Variants in MAL observed in about 807,000 individuals in gnomAD.
MAL encodes mal, T cell differentiation protein (MAL blood group).
MAL carries 5 observed loss-of-function variants against 16.7 expected under a neutral mutation model. That is an observed-to-expected ratio of 0.30 (90% confidence interval 0.16 to 0.63). The LOEUF is 0.63. Among genes scored for constraint, MAL ranks in the 30% least tolerant of loss-of-function variants. MAL has a pLI of 0.82. For missense variants in MAL, 202 were observed against 195.8 expected, an observed-to-expected ratio of 1.03 and a Z score of -0.19; for synonymous variants, 96 against 85.5, an observed-to-expected ratio of 1.12 and a Z score of -0.67.
At chr2:95,026,097 A>G (rs1402961951) in intron 1 of MAL, among the ~76,000 whole-genome samples, 1 of 152,100 alleles carries the variant, frequency 6.6e-6, no homozygotes, top group South Asian at 2.1e-4. Context: ...GGAACAGTCT[A>G]CAGGACTATG....
intron 1 of MAL, among the ~76,000 whole-genome samples, chr2:95,027,418 C>T (rs1463524645): frequency 6.6e-6 from 1 of 152,208 alleles, no homozygotes; most frequent in African/African-American, 2.4e-5. Context: ...CAGAACGCTT[C>T]TCTCAGCTGA....
At chr2:95,043,903 G>C (rs1674526474) in intron 1 of MAL, among the ~76,000 whole-genome samples, 2 of 152,182 alleles carry the variant, frequency 1.3e-5, no homozygotes, top group African/African-American at 4.8e-5. Flanking sequence ...TCTGTGCTGA[G>C]ACATCTGTGA....
intron 1 of MAL, among the ~76,000 whole-genome samples, chr2:95,040,419 A>G (rs1189192467): frequency 1.3e-5 from 2 of 152,206 alleles, no homozygotes; most frequent in Non-Finnish European, 2.9e-5. Context: ...ACACATACAC[A>G]TACATACGCA....
intron 1 of MAL, among the ~76,000 whole-genome samples, chr2:95,041,233 G>A (rs1050769482): frequency 8.5e-5 from 13 of 152,328 alleles, no homozygotes; most frequent in Admixed American, 2.0e-4. Flanking sequence ...CAGAGAATGC[G>A]TCTTCCCGTC....
chr2:95,032,263 C>A (rs1327390442), intron 1 of MAL, among the ~76,000 whole-genome samples: 1 of 152,256 alleles, frequency 6.6e-6, no homozygotes, highest in Non-Finnish European at 1.5e-5. Context: ...ATTGTGCTGC[C>A]AGCACAGACT....
intron 1 of MAL, among the ~76,000 whole-genome samples, chr2:95,045,449 C>T (rs997333268): frequency 6.6e-6 from 1 of 152,190 alleles, no homozygotes; most frequent in African/African-American, 2.4e-5. Context: ...GGGTCTTCTC[C>T]TGGTCCCCAC....
Position 95,039,208 on chromosome 2 carries a change from CTGAG to C in MAL, c.94-8731_94-8728del, listed in dbSNP as rs200015609. On this transcript the variant is annotated intron_variant, in intron 1 of 3. Coordinates refer to ENST00000309988, the MANE Select transcript of MAL (RefSeq NM_002371.4). ...AGTGAGTGAGTGACTGAGTGAGTGA[CTGAG>C]TGAGTGAGTGAGTGAGTGACTGAGT... 2.4e-3 allele frequency among the ~76,000 whole-genome samples: 201 copies of C among 82,752 alleles called. 1 individual carries two copies. Among genetic ancestry groups the C allele is most frequent in the Admixed American group, 8.5e-3 (70 of 8,248 alleles). The allele number at this position is 82,752 out of a possible 152,430, so 54.3% of individuals were successfully genotyped here. A position where few individuals can be genotyped will look rare whatever the true frequency, so the allele number is the denominator to read the frequency against.
At chr2:95,045,388 C>T (rs1674563049) in intron 1 of MAL, among the ~76,000 whole-genome samples, 1 of 152,166 alleles carries the variant, frequency 6.6e-6, no homozygotes, top group South Asian at 2.1e-4. Flanking sequence ...CACCCAGGTA[C>T]CAGGAGACCA....
At chr2:95,049,812 T>G in intron 3 of MAL, 106 bp downstream of exon 3, 1 of 1,481,870 alleles carries the variant, frequency 6.7e-7, no homozygotes, top group Non-Finnish European at 9.2e-7. Context: ...TTCACTAACT[T>G]TTGAGTGAGG....
At chr2:95,035,910 C>A (rs866474979) in intron 1 of MAL, among the ~76,000 whole-genome samples, 1 of 152,282 alleles carries the variant, frequency 6.6e-6, no homozygotes, top group Middle Eastern at 3.4e-3. Context: ...ACCTCGTGAT[C>A]CGCTCACCTC....
intron 3 of MAL, among the ~76,000 whole-genome samples, chr2:95,052,721 C>A (rs969097402): frequency 6.6e-6 from 1 of 152,184 alleles, no homozygotes; most frequent in Non-Finnish European, 1.5e-5. Context: ...CCCCAGAAAG[C>A]AGGGCCATCG....
At chr2:95,044,315 A>G (rs558335854) in intron 1 of MAL, 2 of 152,342 alleles carry the variant, frequency 1.3e-5, no homozygotes, top group East Asian at 3.9e-4. Flanking sequence ...ATGTTCCAAG[A>G]TTGACTGTGG....
intron 1 of MAL, among the ~76,000 whole-genome samples, chr2:95,030,493 C>T (rs1279319503): frequency 1.3e-5 from 2 of 152,232 alleles, no homozygotes; most frequent in Admixed American, 1.3e-4. Flanking sequence ...ACTGGGCCAC[C>T]ATTCAGGGAA....
chr2:95,036,817 C>G (rs533475380), intron 1 of MAL, among the ~76,000 whole-genome samples: 32 of 117,486 alleles, frequency 2.7e-4, no homozygotes, highest in African/African-American at 4.7e-4. Context: ...GAGTGAGTGA[C>G]TTAGTGACTG....
At chr2:95,033,034 A>G (rs2104332666) in intron 1 of MAL, among the ~76,000 whole-genome samples, 1 of 152,308 alleles carries the variant, frequency 6.6e-6, no homozygotes, top group South Asian at 2.1e-4. Flanking sequence ...ACTGACCTGC[A>G]GTTCCTGGCC....
At chr2:95,030,655 C>A (rs901799070) in intron 1 of MAL, among the ~76,000 whole-genome samples, 2 of 152,212 alleles carry the variant, frequency 1.3e-5, no homozygotes, top group African/African-American at 4.8e-5. Context: ...GCCCCCTCCT[C>A]CCCAGGCCAC....
At chr2:95,050,527 G>A (rs1372048186) in intron 3 of MAL, among the ~76,000 whole-genome samples, 2 of 152,226 alleles carry the variant, frequency 1.3e-5, no homozygotes, top group Non-Finnish European at 2.9e-5. Context: ...CCAAAGCTGT[G>A]TCATCCCCTC....
chr2:95,033,341 T>C (rs1674132642), intron 1 of MAL, among the ~76,000 whole-genome samples: 1 of 152,212 alleles, frequency 6.6e-6, no homozygotes, highest in Non-Finnish European at 1.5e-5. Context: ...TTTCATCTTG[T>C]GCTGTATGTG....
chr2:95,034,796 G>A (rs1674167815), intron 1 of MAL, among the ~76,000 whole-genome samples: 1 of 152,130 alleles, frequency 6.6e-6, no homozygotes, highest in Admixed American at 6.5e-5. Context: ...CTTTGTTGGA[G>A]GTGACCCTTT....
Sources: allele counts gnomAD v4.1 joint callset (sites outside exome capture counted in the v4.1 genomes callset), GRCh38; gene constraint gnomAD v4.1.1; transcripts MANE v1.5; gene names NCBI Gene and HGNC (gene_info 2026-07-23, HGNC 2026-07-21).